The following AVL9 variants were observed in gnomAD, a reference collection of about 807,000 sequenced individuals.
AVL9 encodes AVL9 cell migration associated, also known as late secretory pathway protein AVL9 homolog.
AVL9 carries 49 observed loss-of-function variants against 79.2 expected under a neutral mutation model. The ratio of observed to expected loss-of-function variants is 0.62; its 90% CI spans 0.49 to 0.79. The LOEUF is 0.79. Ranked by LOEUF, AVL9 falls within the 30% of genes least tolerant of loss-of-function variation. The pLI, the probability that AVL9 is intolerant of heterozygous loss-of-function variation, is 0.00. For synonymous variants in AVL9, 299 were observed against 280.6 expected (o/e 1.07, Z -0.65); for missense variants, 682 against 776.8 (o/e 0.88, Z 1.45).
chr7:32,532,364 A>C (rs1395515982), intron 1 of AVL9: 1 of 152,180 alleles, frequency 6.6e-6, no homozygotes, highest in Non-Finnish European at 1.5e-5. Context: ...CTAGTGGAAA[A>C]ACAAGTTCTC....
intron 1 of AVL9, among the ~76,000 whole-genome samples, chr7:32,524,276 G>A (rs1364026884): frequency 6.6e-6 from 1 of 152,054 alleles, no homozygotes; most frequent in African/African-American, 2.4e-5. Context: ...AGCACTTTGG[G>A]AGGCCAAGGC....
intron 1 of AVL9, among the ~76,000 whole-genome samples, chr7:32,520,493 A>G (rs1788092864): frequency 6.6e-6 from 1 of 152,216 alleles, no homozygotes; most frequent in Non-Finnish European, 1.5e-5. Flanking sequence ...CTAGTAGACT[A>G]GATAAATGCC....
At position 32,585,653 on chromosome 7, in the gene AVL9, A is replaced by G. The variant is rs974654989; in HGVS notation, c.*1746A>G. ...CTCCCAAGGCATTTGAAATGAACAT[A>G]GAAACATAATCTAAATGTCTCTAAA... On this transcript the variant is annotated 3_prime_UTR_variant, in exon 16 of 16. Transcript: ENST00000318709. 6.6e-6 allele frequency: 1 copy of G among 152,386 alleles called. No homozygotes were observed. The highest frequency in any genetic ancestry group is 1.9e-4 in the East Asian group (1 of 5,192). 9.4% of individuals were successfully genotyped at this position (152,386 alleles called of 1,614,324 possible). A position where few individuals can be genotyped will look rare whatever the true frequency, so the allele number is the denominator to read the frequency against.
intron 12 of AVL9, among the ~76,000 whole-genome samples, chr7:32,575,351 G>C (rs187214950): frequency 6.6e-6 from 1 of 152,074 alleles, no homozygotes; most frequent in East Asian, 1.9e-4. Context: ...CGCCCTCCTC[G>C]ACCTCCCAAA....
chr7:32,553,435 AACTT>A (rs1237783257), intron 6 of AVL9, among the ~76,000 whole-genome samples: 2 of 152,218 alleles, frequency 1.3e-5, no homozygotes, highest in Non-Finnish European at 2.9e-5. Flanking sequence ...ATTTTAATAA[AACTT>A]AAGTCAGTTT....
intron 3 of AVL9, among the ~76,000 whole-genome samples, chr7:32,546,173 C>T (rs894910493): frequency 8.7e-5 from 13 of 148,872 alleles, no homozygotes; most frequent in African/African-American, 1.5e-4. Context: ...AAAGCTTCCT[C>T]GGGTGAATAA....
At chr7:32,553,245 T>C (rs749772324) in intron 6 of AVL9, among the ~76,000 whole-genome samples, 4 of 152,210 alleles carry the variant, frequency 2.6e-5, no homozygotes, top group Non-Finnish European at 5.9e-5. Context: ...TAATAACATA[T>C]GAAGTGCCAT....
In AVL9 at chr7:32,559,151, A is replaced by C. The variant is rs778426240; in HGVS notation, c.902A>C (p.Glu301Ala). Residue 301 changes from glutamate (E) to alanine (A), a missense_variant, in exon 10 of 16, where the codon GAA becomes GCA. Physicochemically the swap from Glu to Ala is moderately radical, Grantham distance 107. Transcript: ENST00000318709. ...MKTEEPLFQV[E>A]DSSKGQEPND... Reference sequence around the variant, plus strand: ...ACTGAGGAGCCTTTGTTCCAAGTGGAAGACAGCAGCAAAGGGCAGGAACCC... The same window carrying C: ...ACTGAGGAGCCTTTGTTCCAAGTGGCAGACAGCAGCAAAGGGCAGGAACCC... The C allele has an allele frequency of 6.2e-7, 1 of 1,614,148 alleles. No individual in the cohort carries two copies.
At chr7:32,553,619 C>T in intron 6 of AVL9, 108 bp from the exon 7 acceptor site, 3 of 695,066 alleles carry the variant, frequency 4.3e-6, no homozygotes, top group South Asian at 1.8e-5. Flanking sequence ...TTGCATATTC[C>T]TACTTTTTTT....
Position 32,530,966 on chromosome 7 carries a change from AAG to A in AVL9, c.94-12172_94-12171del, listed in dbSNP as rs143297325. Among the ~76,000 whole-genome samples the A allele has an allele frequency of 1.4e-3, 213 of 152,274 alleles. 1 individual carries two copies. The East Asian group carries it at 0.04, about 28-fold the overall frequency. ...GCAGGACTCCACCTATTAAAAAAAA[AAG>A]AGTTTATTTAAGAACAGAAGTTGAG... On this transcript the variant is annotated intron_variant, in intron 1 of 15. Coordinates refer to ENST00000318709, the MANE Select transcript of AVL9 (RefSeq NM_015060.3).
At chr7:32,517,386 A>T (rs1275995947) in intron 1 of AVL9, among the ~76,000 whole-genome samples, 2 of 151,698 alleles carry the variant, frequency 1.3e-5, no homozygotes, top group African/African-American at 2.4e-5. Context: ...GCTCACTGCA[A>T]ACTCTGTCGC....
chr7:32,559,288 A>G lies in AVL9; in HGVS notation c.1039A>G (p.Arg347Gly). 6.2e-7 allele frequency: 1 copy of G among 1,614,226 alleles called. No individual in the cohort carries two copies. Among genetic ancestry groups the G allele is most frequent in the South Asian group, 1.1e-5 (1 of 91,086 alleles). The change falls in exon 10 of 16, where the codon AGG becomes GGG. Residue 347 changes from arginine to glycine, a missense_variant. Arg to Gly is a moderately radical substitution (Grantham distance 125). Coordinates refer to ENST00000318709, the MANE Select transcript of AVL9 (RefSeq NM_015060.3). ...SVLEDPNLKE[R>G]EQLGSDQTNL... ...CTTAGAGGACCCCAACTTGAAAGAA[A>G]GGGAACAGCTGGGATCAGACCAGAC... is the stretch of plus-strand genomic sequence containing the variant.
intron 1 of AVL9, among the ~76,000 whole-genome samples, chr7:32,501,201 G>A (rs1432453888): frequency 6.6e-6 from 1 of 152,132 alleles, no homozygotes; most frequent in Non-Finnish European, 1.5e-5. Context: ...AGCCCTGAGT[G>A]ATTCAGGTTT....
intron 1 of AVL9, among the ~76,000 whole-genome samples, chr7:32,524,055 G>A (rs948663443): frequency 3.3e-5 from 5 of 149,840 alleles, no homozygotes; most frequent in Non-Finnish European, 5.9e-5. Context: ...CAACATGTTG[G>A]CCAGGCTGGT....
intron 1 of AVL9, chr7:32,531,740 A>G (rs11769109): frequency 0.35 from 53,507 of 152,024 alleles, 9,767 homozygotes; most frequent in Middle Eastern, 0.48. Flanking sequence ...CGTGGAGGGA[A>G]TGCACAGGTG....
chr7:32,570,242 TTAG>T, intron 11 of AVL9, 88 bp downstream of exon 11: 2 of 1,502,932 alleles, frequency 1.3e-6, no homozygotes, highest in South Asian at 2.4e-5. Context: ...AGTAACAACA[TTAG>T]TAATGATAAT....
intron 1 of AVL9, among the ~76,000 whole-genome samples, chr7:32,502,666 C>T (rs1264347045): frequency 2.6e-5 from 4 of 152,102 alleles, no homozygotes; most frequent in South Asian, 2.1e-4. Context: ...AGTATAGAGA[C>T]TTCATTGTAG....
intron 1 of AVL9, among the ~76,000 whole-genome samples, chr7:32,525,657 A>C (rs1788371695): frequency 6.6e-6 from 1 of 152,194 alleles, no homozygotes; most frequent in South Asian, 2.1e-4. Context: ...TCAGATTATA[A>C]GATTATAACT....
chr7:32,578,455 G>A (rs921828460), intron 13 of AVL9, among the ~76,000 whole-genome samples: 1 of 152,106 alleles, frequency 6.6e-6, no homozygotes. Flanking sequence ...AGTATATTTT[G>A]GGGTGAAATA....
Sources: gnomAD v4.1 joint callset for allele counts (sites outside exome capture counted in the v4.1 genomes callset) on GRCh38, gnomAD v4.1.1 for gene constraint, MANE v1.5 for transcripts, NCBI Gene and HGNC (gene_info 2026-07-23, HGNC 2026-07-21) for gene names.